Variants in OMA1 observed in about 807,000 individuals in gnomAD.
OMA1 encodes metalloendopeptidase OMA1, mitochondrial.
Under a neutral mutation model 30.9 loss-of-function variants are expected in OMA1, and 38 were observed. That is an observed-to-expected ratio of 1.23 (90% CI 0.95 to 1.61). The LOEUF (loss-of-function observed/expected upper bound fraction) is 1.61, where lower values mean the gene tolerates loss of function less well. Ranked by LOEUF, OMA1 falls within the 40% of genes most tolerant of loss-of-function variation. The probability of loss-of-function intolerance (pLI) is 0.00; values close to 1 mark genes in which losing one functional copy is unlikely to be tolerated. For synonymous variants in OMA1, 173 were observed against 121.9 expected (o/e 1.42, Z -2.76); for missense variants, 461 against 349.2 (o/e 1.32, Z -2.55).
At chr1:58,488,592 C>T (rs1195802755) in intron 8 of OMA1, among the ~76,000 whole-genome samples, 1 of 152,210 alleles carries the variant, frequency 6.6e-6, no homozygotes, top group East Asian at 1.9e-4. Context: ...GCTGGGATTA[C>T]AGGCATGAGC....
At chr1:58,540,715 T>TAA (rs146864305) in intron 1 of OMA1, among the ~76,000 whole-genome samples, 1 of 147,990 alleles carries the variant, frequency 6.8e-6, no homozygotes, top group South Asian at 2.2e-4. Context: ...AATACAATAA[T>TAA]AAAAAAAGGC....
chr1:58,525,465 T>C (rs1040292041), intron 7 of OMA1, among the ~76,000 whole-genome samples: 1 of 152,102 alleles, frequency 6.6e-6, no homozygotes, highest in Non-Finnish European at 1.5e-5. Context: ...ACTTTAAAAA[T>C]GACACTATTT....
In OMA1 at chr1:58,506,209, C is replaced by CTAATTTA. The variant is rs1268645282; in HGVS notation, c.1216-1_1216insTAAATTA (p.Ala406Ter). 1.2e-6 allele frequency: 1 copy of CTAATTTA among 863,650 alleles called. No individual in the cohort carries two copies. The highest frequency in any genetic ancestry group is 1.7e-5 in the Admixed American group (1 of 58,968). The allele number at this position is 863,650 out of a possible 1,614,324, so 53.5% of individuals were successfully genotyped here. On this transcript the variant is annotated stop_gained and frameshift_variant and splice_region_variant. Coordinates refer to ENST00000371226, the MANE Select transcript of OMA1 (RefSeq NM_145243.5). LOFTEE classifies it high-confidence loss of function. ...GAACTGGCTCTTATGTCTGCACAAGCCTAAAACCAAAATTAGTAAAACCAC... is the reference window on the plus strand; with the variant it reads ...GAACTGGCTCTTATGTCTGCACAAGCTAATTTACTAAAACCAAAATTAGTAAAACCAC...
At chr1:58,516,999 C>A (rs183217961) in intron 7 of OMA1, among the ~76,000 whole-genome samples, 106 of 152,146 alleles carry the variant, frequency 7.0e-4, no homozygotes, top group African/African-American at 2.5e-3. Context: ...TTGAATGCTA[C>A]AATGGCAAGA....
At chr1:58,486,181 G>A (rs1470345235) in intron 8 of OMA1, among the ~76,000 whole-genome samples, 1 of 152,182 alleles carries the variant, frequency 6.6e-6, no homozygotes, top group Non-Finnish European at 1.5e-5. Flanking sequence ...GCCAAAGAGA[G>A]GGGGACAAGG....
At chr1:58,483,309 A>G (rs1402914198) in intron 8 of OMA1, among the ~76,000 whole-genome samples, 2 of 152,168 alleles carry the variant, frequency 1.3e-5, no homozygotes, top group Non-Finnish European at 2.9e-5. Context: ...TGAGTGGGGT[A>G]TGGTAGGGGC....
chr1:58,485,275 A>G (rs1645558584), intron 8 of OMA1, among the ~76,000 whole-genome samples: 1 of 150,230 alleles, frequency 6.7e-6, no homozygotes. Flanking sequence ...GGAAGTAAAA[A>G]AGCTGGGTTT....
At chr1:58,538,343 C>CCTTATATAAG (rs1305367134) in intron 2 of OMA1, among the ~76,000 whole-genome samples, 43 of 152,148 alleles carry the variant, frequency 2.8e-4, no homozygotes, top group African/African-American at 9.6e-4. Context: ...GTGAGCCCAC[C>CCTTATATAAG]CTTATATAAG....
intron 6 of OMA1, among the ~76,000 whole-genome samples, chr1:58,530,090 C>T (rs1013506607): frequency 6.6e-6 from 1 of 152,114 alleles, no homozygotes; most frequent in African/African-American, 2.4e-5. Context: ...ACCACGTTAG[C>T]CAGGATGGTC....
chr1:58,533,725 T>C lies in OMA1; in HGVS notation c.1011+228A>G, dbSNP rs151257366. ...ACGTTTTAGCAAAAGAGACAGGTGA[T>C]AAAAATAGTATTTAAGAAAAATATT... On this transcript the variant is annotated intron_variant, in intron 5 of 8. Coordinates refer to ENST00000371226, the MANE Select transcript of OMA1 (RefSeq NM_145243.5). Among the ~76,000 whole-genome samples the C allele has an allele frequency of 4.2e-3, 641 of 152,228 alleles. 3 individuals are homozygous for C. The highest frequency in any genetic ancestry group is 0.015 in the African/African-American group (620 of 41,548).
intron 8 of OMA1, among the ~76,000 whole-genome samples, chr1:58,491,154 C>G (rs1645680983): frequency 6.6e-6 from 1 of 151,986 alleles, no homozygotes; most frequent in Non-Finnish European, 1.5e-5. Flanking sequence ...ATTTCATATC[C>G]AGCCAAACTA....
At chr1:58,483,264 T>C (rs1483939670) in intron 8 of OMA1, among the ~76,000 whole-genome samples, 2 of 152,142 alleles carry the variant, frequency 1.3e-5, no homozygotes, top group East Asian at 1.9e-4. Flanking sequence ...GGCTCAAACA[T>C]ATCTGGGCAA....
intron 8 of OMA1, among the ~76,000 whole-genome samples, chr1:58,489,943 C>A (rs1340750086): frequency 6.6e-6 from 1 of 152,282 alleles, no homozygotes; most frequent in East Asian, 1.9e-4. Context: ...CCCATCTGTA[C>A]GTCACCATCA....
Position 58,534,226 on chromosome 1 carries a change from C to G in OMA1, c.835G>C (p.Gly279Arg), listed in dbSNP as rs747270535. The G allele has an allele frequency of 2.3e-6, 2 of 871,834 alleles. No homozygotes were observed. Among genetic ancestry groups the G allele is most frequent in the South Asian group, 2.6e-5 (2 of 76,148 alleles). 54.0% of individuals were successfully genotyped at this position (871,834 alleles called of 1,614,324 possible). A position where few individuals can be genotyped will look rare whatever the true frequency, so the allele number is the denominator to read the frequency against. The change falls in exon 4 of 9, where the codon GGG becomes CGG. Residue 279 changes from glycine (G) to arginine (R), a missense_variant. Coordinates refer to ENST00000371226, the MANE Select transcript of OMA1 (RefSeq NM_145243.5). The part of the protein sequence containing the change: ...HLIECNKDVP[G>R]ISQINWVIHV... ...ATAACCCAATTGATCTGAGAGATCC[C>G]TGGAACATCTTTATTGCATTCAATT...
chr1:58,506,197 T>C lies in OMA1; in HGVS notation c.1228A>G (p.Ile410Val), dbSNP rs763642012. 3 of 870,246 alleles carry C rather than the reference T, an allele frequency of 3.4e-6. No individual in the cohort carries two copies. The highest frequency in any genetic ancestry group is 1.7e-5 in the Admixed American group (1 of 59,164). The allele number at this position is 870,246 out of a possible 1,614,324, so 53.9% of individuals were successfully genotyped here. A position where few individuals can be genotyped will look rare whatever the true frequency, so the allele number is the denominator to read the frequency against. ...LLLAAKACAD[I>V]RASSVFWQQM... ...TGCCAAAACACTGAACTGGCTCTTA[T>C]GTCTGCACAAGCCTAAAACCAAAAT... The change falls in exon 8 of 9, where the codon ATA (isoleucine) becomes GTA (valine). Residue 410 changes from isoleucine to valine, a missense_variant. Physicochemically the swap from Ile to Val is conservative, Grantham distance 29 (BLOSUM62 3). Coordinates refer to ENST00000371226, the MANE Select transcript of OMA1 (RefSeq NM_145243.5).
chr1:58,508,246 G>A (rs143685076), intron 7 of OMA1, among the ~76,000 whole-genome samples: 72 of 152,230 alleles, frequency 4.7e-4, no homozygotes, highest in Non-Finnish European at 8.7e-4. Context: ...CCAGTTCAAA[G>A]AGCCACTAAA....
intron 8 of OMA1, among the ~76,000 whole-genome samples, chr1:58,492,140 T>C (rs536966220): frequency 1.3e-5 from 2 of 152,226 alleles, no homozygotes; most frequent in African/African-American, 2.4e-5. Context: ...ACATGGCAAC[T>C]GAACAACATG....
At chr1:58,530,801 A>C in intron 5 of OMA1, 72 bp from the exon 6 acceptor site, 1 of 784,316 alleles carries the variant, frequency 1.3e-6, no homozygotes, top group Non-Finnish European at 2.2e-6. Context: ...TTTCTAGTTC[A>C]TCATGTGTTA....
chr1:58,489,218 C>T (rs1466915478), intron 8 of OMA1, among the ~76,000 whole-genome samples: 1 of 152,174 alleles, frequency 6.6e-6, no homozygotes, highest in Non-Finnish European at 1.5e-5. Flanking sequence ...ACAGACGGCA[C>T]CTGGAAAATT....
Sources: gnomAD v4.1 joint callset for allele counts (sites outside exome capture counted in the v4.1 genomes callset) on GRCh38, gnomAD v4.1.1 for gene constraint, MANE v1.5 for transcripts, NCBI Gene and HGNC (gene_info 2026-07-23, HGNC 2026-07-21) for gene names.